The following LRRC40 variants were observed in gnomAD, a reference collection of about 807,000 sequenced individuals.
The protein encoded by LRRC40 is leucine rich repeat containing 40, also known as leucine-rich repeat-containing protein 40.
Under a neutral mutation model 72.8 loss-of-function variants are expected in LRRC40, and 76 were observed. The observed-to-expected ratio is 1.04, with a 90% CI of 0.87 to 1.26. The LOEUF is 1.26. Ranked by LOEUF, LRRC40 falls within the 50% of genes most tolerant of loss-of-function variation. The pLI is 0.00. For synonymous variants in LRRC40, 243 were observed against 254.2 expected, an observed-to-expected ratio of 0.96 and a Z score of 0.42; for missense variants, 684 against 698.9, an observed-to-expected ratio of 0.98 and a Z score of 0.24.
At chr1:70,178,159 A>T (rs1180339288) in intron 6 of LRRC40, among the ~76,000 whole-genome samples, 3 of 152,182 alleles carry the variant, frequency 2.0e-5, no homozygotes, top group African/African-American at 7.2e-5. Flanking sequence ...ACAGATTTTC[A>T]ACTCCATGGG....
At chr1:70,167,457 G>A (rs1220992701) in intron 9 of LRRC40, among the ~76,000 whole-genome samples, 1 of 151,848 alleles carries the variant, frequency 6.6e-6, no homozygotes, top group East Asian at 1.9e-4. Context: ...CAGCTACTCA[G>A]GAGGCTGAGG....
chr1:70,147,565 C>T (rs1457189613), intron 14 of LRRC40, among the ~76,000 whole-genome samples: 1 of 152,106 alleles, frequency 6.6e-6, no homozygotes, highest in Admixed American at 6.5e-5. Context: ...TAGACTCTTG[C>T]AAGAACCTAA....
intron 1 of LRRC40, among the ~76,000 whole-genome samples, chr1:70,204,778 C>T (rs1008680714): frequency 2.0e-5 from 3 of 150,672 alleles, no homozygotes; most frequent in Admixed American, 2.0e-4. Flanking sequence ...AGAAGAGCAT[C>T]TGGCCATTCA....
At chr1:70,169,044 ATAAG>A (rs1667947370) in intron 9 of LRRC40, among the ~76,000 whole-genome samples, 1 of 152,174 alleles carries the variant, frequency 6.6e-6, no homozygotes, top group Non-Finnish European at 1.5e-5. Context: ...TCCTGATGAG[ATAAG>A]TAAGCAACAA....
At chr1:70,153,972 C>G (rs1383422608) in intron 11 of LRRC40, among the ~76,000 whole-genome samples, 2 of 58,186 alleles carry the variant, frequency 3.4e-5, no homozygotes, top group African/African-American at 1.4e-4. Context: ...GATCCTGTCT[C>G]AAAAAAAAAA....
intron 6 of LRRC40, among the ~76,000 whole-genome samples, chr1:70,178,133 G>A (rs906241427): frequency 1.3e-5 from 2 of 152,100 alleles, no homozygotes; most frequent in Admixed American, 6.5e-5. Context: ...AGTTTTTGGG[G>A]AGTCAAAAGC....
Position 70,162,068 on chromosome 1 carries a change from T to C in LRRC40, c.1112-2630A>G, listed in dbSNP as rs117967678. ...CAATAGTAGAAGAATTGAAAAGAAT[T>C]TGCCATCTTTTAAACTTCTCCATTT... On this transcript the variant is annotated intron_variant, in intron 9 of 14. Coordinates refer to ENST00000370952, the MANE Select transcript of LRRC40 (RefSeq NM_017768.5). Among the ~76,000 whole-genome samples the C allele has an allele frequency of 2.9e-3, 445 of 152,302 alleles. 5 individuals carry two copies. In the East Asian group the frequency reaches 0.039, roughly 13 times the overall value.
At chr1:70,165,981 G>T (rs1346361776) in intron 9 of LRRC40, among the ~76,000 whole-genome samples, 1 of 152,038 alleles carries the variant, frequency 6.6e-6, no homozygotes, top group Non-Finnish European at 1.5e-5. Context: ...AAAAAGTCTT[G>T]GGCCTTTGTA....
chr1:70,199,724 C>T (rs1668696344), intron 1 of LRRC40, among the ~76,000 whole-genome samples: 1 of 152,104 alleles, frequency 6.6e-6, no homozygotes, highest in African/African-American at 2.4e-5. Context: ...TGTTAATTGA[C>T]TGTTTATGTT....
rs556214697 is a variant in LRRC40, at chr1:70,178,480, C to T, written c.804+371G>A. Among the ~76,000 whole-genome samples, 19 of 152,208 alleles carry T rather than the reference C, an allele frequency of 1.2e-4. No homozygotes were observed. In the South Asian group the frequency reaches 3.9e-3, roughly 32 times the overall value. On this transcript the variant is annotated intron_variant, in intron 6 of 14. Coordinates refer to ENST00000370952, the MANE Select transcript of LRRC40 (RefSeq NM_017768.5). ...AAGAATGTAATTCATTTCAAACATACTTGATTATGATTAGGTAAAGGTGAG... is the reference window on the plus strand; with the variant it reads ...AAGAATGTAATTCATTTCAAACATATTTGATTATGATTAGGTAAAGGTGAG...
At chr1:70,176,531 C>CAAA (rs368720423) in intron 6 of LRRC40, among the ~76,000 whole-genome samples, 3 of 29,610 alleles carry the variant, frequency 1.0e-4, no homozygotes, top group Non-Finnish European at 1.5e-4. Context: ...GAATCCATCT[C>CAAA]AAAAAAAAAA....
chr1:70,184,946 T>G (rs1186219081), intron 3 of LRRC40, 32 bp from the exon 4 acceptor site: 1 of 1,522,974 alleles, frequency 6.6e-7, no homozygotes, highest in Admixed American at 1.8e-5. Flanking sequence ...GATGAATAAT[T>G]TAGTGGCAAT....
intron 2 of LRRC40, among the ~76,000 whole-genome samples, chr1:70,187,684 A>G (rs1668392975): frequency 6.6e-6 from 1 of 151,830 alleles, no homozygotes; most frequent in African/African-American, 2.4e-5. Context: ...AATTCTTATT[A>G]GTCAGGCGTA....
At chr1:70,148,714 G>A (rs781343537) in intron 13 of LRRC40, 42 bp from the exon 14 acceptor site, 17 of 1,205,454 alleles carry the variant, frequency 1.4e-5, no homozygotes, top group African/African-American at 1.5e-5. Context: ...ACTGGAATCA[G>A]ACCAAAATCA....
chr1:70,195,391 G>A (rs1374824988), intron 1 of LRRC40, among the ~76,000 whole-genome samples: 3 of 147,352 alleles, frequency 2.0e-5, no homozygotes, highest in Non-Finnish European at 3.0e-5. Context: ...AAAGACAAAA[G>A]TTGGAACAAA....
At chr1:70,157,919 C>T (rs1275732358) in intron 10 of LRRC40, among the ~76,000 whole-genome samples, 1 of 151,598 alleles carries the variant, frequency 6.6e-6, no homozygotes, top group Non-Finnish European at 1.5e-5. Flanking sequence ...GCCTGGGTAA[C>T]ACAGAGAGGC....
At chr1:70,204,995 A>G (rs1401135645) in intron 1 of LRRC40, among the ~76,000 whole-genome samples, 1 of 152,028 alleles carries the variant, frequency 6.6e-6, no homozygotes, top group Non-Finnish European at 1.5e-5. Context: ...GATAAAACAT[A>G]TAATTTTAGC....
intron 1 of LRRC40, among the ~76,000 whole-genome samples, chr1:70,190,923 A>G (rs1416600497): frequency 6.6e-6 from 1 of 152,008 alleles, no homozygotes; most frequent in Non-Finnish European, 1.5e-5. Flanking sequence ...TAATTTTACC[A>G]TTCTTGACTG....
At chr1:70,148,137 CAAAAAAAAAAA>C (rs35638808) in intron 14 of LRRC40, 2 of 94,108 alleles carry the variant, frequency 2.1e-5, no homozygotes, top group African/African-American at 8.3e-5. Context: ...CAATCAATTT[CAAAAAAAAAAA>C]AAAAAAAAAC....
Sources: allele counts gnomAD v4.1 joint callset (sites outside exome capture counted in the v4.1 genomes callset), GRCh38; gene constraint gnomAD v4.1.1; transcripts MANE v1.5; gene names NCBI Gene and HGNC (gene_info 2026-07-23, HGNC 2026-07-21).